GPC5: variants seen among roughly 807,000 people sequenced by gnomAD.
GPC5 encodes glypican-5.
Under a neutral mutation model 53.9 loss-of-function variants are expected in GPC5, and 47 were observed. The ratio of observed to expected loss-of-function variants is 0.87; its 90% CI spans 0.69 to 1.11. The LOEUF is 1.11. Ranked by LOEUF, GPC5 falls within the 50% of genes most tolerant of loss-of-function variation. GPC5 has a pLI of 0.00. For synonymous variants in GPC5, 286 were observed against 263.3 expected (o/e 1.09, Z -0.84); for missense variants, 748 against 713.1 (o/e 1.05, Z -0.56).
At chr13:92,767,220 C>A (rs1176027488) in intron 7 of GPC5, among the ~76,000 whole-genome samples, 1 of 152,030 alleles carries the variant, frequency 6.6e-6, no homozygotes, top group African/African-American at 2.4e-5. Context: ...GCCTGTAATC[C>A]CAGCACTTTG....
At chr13:92,312,337 A>G (rs1052037098) in intron 7 of GPC5, among the ~76,000 whole-genome samples, 1 of 152,102 alleles carries the variant, frequency 6.6e-6, no homozygotes, top group Admixed American at 6.6e-5. Context: ...AGTGGGGGGA[A>G]AAAAAACAAG....
At chr13:91,503,817 A>ATC (rs1884793710) in intron 2 of GPC5, among the ~76,000 whole-genome samples, 1 of 147,416 alleles carries the variant, frequency 6.8e-6, no homozygotes, top group African/African-American at 2.5e-5. Flanking sequence ...TAATAATAAT[A>ATC]ATCAGGCTGT....
At chr13:92,795,197 A>C (rs978652438) in intron 7 of GPC5, among the ~76,000 whole-genome samples, 3 of 152,254 alleles carry the variant, frequency 2.0e-5, no homozygotes, top group Middle Eastern at 6.8e-3. Context: ...ATATAGACCA[A>C]TGGAACAGGA....
At chr13:92,368,146 G>A (rs574247654) in intron 7 of GPC5, among the ~76,000 whole-genome samples, 14 of 151,886 alleles carry the variant, frequency 9.2e-5, no homozygotes, top group African/African-American at 3.4e-4. Context: ...AGCCACGCCT[G>A]GCTAATTTTT....
intron 7 of GPC5, among the ~76,000 whole-genome samples, chr13:92,233,267 T>A (rs2042544412): frequency 6.6e-6 from 1 of 152,224 alleles, no homozygotes; most frequent in Admixed American, 6.5e-5. Flanking sequence ...ATGATTCTAC[T>A]GTATAAAACA....
intron 7 of GPC5, among the ~76,000 whole-genome samples, chr13:92,371,082 G>A (rs1025354877): frequency 1.3e-5 from 2 of 152,094 alleles, no homozygotes; most frequent in Admixed American, 6.5e-5. Flanking sequence ...CCCAGGAGGC[G>A]GAAGTTGCAG....
rs2091399642 is a variant in GPC5, at chr13:92,195,982, G to T, written c.1561+50993G>T. 3.3e-5 allele frequency among the ~76,000 whole-genome samples: 5 copies of T among 152,146 alleles called. No individual in the cohort carries two copies. The South Asian group carries it at 1.0e-3, about 31-fold the overall frequency. On this transcript the variant is annotated intron_variant, in intron 7 of 7. Transcript: ENST00000377067. ...TTTAACAAGGAGGCGCAGGCCCTTT[G>T]GCATGGAACTGCCAAGACTTTCAGG...
rs1481731391 is a variant in GPC5 at position 92,593,462 on chromosome 13, A to T, written c.1562-272820A>T. ...AACATAAAATGTTAATGTTTATGAG[A>T]CATCCAGAGAATCATGTTAAGTAGG... On this transcript the variant is annotated intron_variant, in intron 7 of 7. Transcript: ENST00000377067. Among the ~76,000 whole-genome samples the T allele has an allele frequency of 6.7e-4, 102 of 151,410 alleles. 3 individuals carry two copies. The highest frequency in any genetic ancestry group is 1.5e-4 in the Non-Finnish European group (10 of 67,626).
chr13:92,646,930 A>G (rs9523751), intron 7 of GPC5, among the ~76,000 whole-genome samples: 84,023 of 146,474 alleles, frequency 0.57, 27,382 homozygotes, highest in Non-Finnish European at 0.75. Flanking sequence ...ATATATAAAC[A>G]TGTGTGTGTG....
At chr13:92,749,252 T>C (rs1280096708) in intron 7 of GPC5, among the ~76,000 whole-genome samples, 1 of 152,156 alleles carries the variant, frequency 6.6e-6, no homozygotes, top group Non-Finnish European at 1.5e-5. Context: ...TTAAAAAGCA[T>C]ATTTTAGCAA....
intron 2 of GPC5, among the ~76,000 whole-genome samples, chr13:91,648,506 C>T (rs16946377): frequency 0.065 from 9,841 of 151,872 alleles, 1,067 homozygotes; most frequent in African/African-American, 0.22. Flanking sequence ...AAACAATGAT[C>T]CATAAGGCCT....
chr13:91,555,189 G>A (rs577005826), intron 2 of GPC5, among the ~76,000 whole-genome samples: 25 of 152,132 alleles, frequency 1.6e-4, no homozygotes, highest in Admixed American at 1.4e-3. Flanking sequence ...ATCACCACCA[G>A]GATATTGATT....
chr13:92,808,744 T>C (rs1472043358), intron 7 of GPC5, among the ~76,000 whole-genome samples: 1 of 152,122 alleles, frequency 6.6e-6, no homozygotes, highest in East Asian at 1.9e-4. Flanking sequence ...TGGGGCATTT[T>C]CCATCTTTTA....
At chr13:91,995,538 G>A (rs530616585) in intron 6 of GPC5, 1 of 152,224 alleles carries the variant, frequency 6.6e-6, no homozygotes, top group Admixed American at 6.5e-5. Flanking sequence ...GTAAAACGGG[G>A]AAAATAATAG....
At chr13:92,446,717 A>C (rs904923920) in intron 7 of GPC5, 2 of 152,166 alleles carry the variant, frequency 1.3e-5, no homozygotes, top group East Asian at 3.8e-4. Flanking sequence ...GCTGTTCTCC[A>C]CAGTGGTGGT....
intron 7 of GPC5, among the ~76,000 whole-genome samples, chr13:92,317,468 C>T (rs1047535468): frequency 2.7e-5 from 4 of 149,600 alleles, no homozygotes; most frequent in Admixed American, 6.6e-5. Flanking sequence ...TTACCTTTTC[C>T]GTTTTTTTGT....
chr13:91,816,926 A>G (rs1172283122), intron 5 of GPC5, among the ~76,000 whole-genome samples: 1 of 152,198 alleles, frequency 6.6e-6, no homozygotes, highest in African/African-American at 2.4e-5. Flanking sequence ...AAGTGAGAAG[A>G]TGTGAGAGTT....
chr13:92,633,730 T>A (rs1431551457), intron 7 of GPC5, among the ~76,000 whole-genome samples: 1 of 152,156 alleles, frequency 6.6e-6, no homozygotes, highest in Non-Finnish European at 1.5e-5. Context: ...TTACCTATTA[T>A]GTTTTCTGCC....
chr13:91,931,249 T>A (rs569906501), intron 6 of GPC5, among the ~76,000 whole-genome samples: 29 of 152,110 alleles, frequency 1.9e-4, no homozygotes, highest in Middle Eastern at 3.4e-3. Context: ...TGGTGGGCAA[T>A]AGACTCAATA....
Sources: gnomAD v4.1 joint callset for allele counts (sites outside exome capture counted in the v4.1 genomes callset) on GRCh38, gnomAD v4.1.1 for gene constraint, MANE v1.5 for transcripts, NCBI Gene and HGNC (gene_info 2026-07-23, HGNC 2026-07-21) for gene names.